The following PCDH19 variants were observed in gnomAD, a reference collection of about 807,000 sequenced individuals.
The protein encoded by PCDH19 is protocadherin 19.
In PCDH19, 6 loss-of-function variants were observed where a neutral mutation model predicts 46.2. The observed-to-expected ratio is 0.13, with a 90% confidence interval of 0.07 to 0.26. The LOEUF (loss-of-function observed/expected upper bound fraction) is 0.26, where lower values mean the gene tolerates loss of function less well. Among genes scored for constraint, PCDH19 ranks in the 10% least tolerant of loss-of-function variants. PCDH19 has a pLI of 1.00. For missense variants in PCDH19, 740 were observed against 972.3 expected (o/e 0.76, Z 3.18); for synonymous variants, 481 against 415.7 (o/e 1.16, Z -1.91).
intron 5 of PCDH19, among the ~76,000 whole-genome samples, chrX:100,305,018 A>C (rs1924897959): frequency 8.9e-6 from 1 of 112,373 alleles, no homozygotes; most frequent in African/African-American, 3.2e-5. Flanking sequence ...TAATCGAGGA[A>C]AACTTCCCCA....
At chrX:100,403,447 C>G (rs1928254374) in intron 2 of PCDH19, 77 bp downstream of exon 2, 1 of 1,032,824 alleles carries the variant, frequency 9.7e-7, no homozygotes, top group Non-Finnish European at 1.3e-6. Context: ...TTCCCTTTTA[C>G]TCACCCCCCG....
chrX:100,377,049 G>T lies in PCDH19; in HGVS notation c.2616+25475C>A, dbSNP rs191287137. Reference sequence around the variant, plus strand: ...ATACAACAGAGATAGATCCTAGTTTGCAAGTAATGTCAAGGCATGTTAGAG... The same window carrying T: ...ATACAACAGAGATAGATCCTAGTTTTCAAGTAATGTCAAGGCATGTTAGAG... On this transcript the variant is annotated intron_variant, in intron 3 of 5. Coordinates refer to ENST00000373034, the MANE Select transcript of PCDH19 (RefSeq NM_001184880.2). Among the ~76,000 whole-genome samples the T allele has an allele frequency of 2.9e-3, 324 of 112,196 alleles. 2 individuals carry two copies. Among genetic ancestry groups the T allele is most frequent in the African/African-American group, 9.9e-3 (307 of 30,881 alleles).
rs973550248 is a variant in PCDH19 at position 100,409,473 on chromosome X, T to C, written c.-876A>G. 2.6e-5 allele frequency: 3 copies of C among 116,693 alleles called. No homozygotes were observed. The highest frequency in any genetic ancestry group is 9.7e-5 in the African/African-American group (3 of 30,845). 9.6% of individuals were successfully genotyped at this position (116,693 alleles called of 1,213,427 possible). Reference sequence around the variant, plus strand: ...TTGAGGGTCTGCGGGCGTTTTCGTCTAGGAAATCAAAGTTAACAACGCAGT... The same window carrying C: ...TTGAGGGTCTGCGGGCGTTTTCGTCCAGGAAATCAAAGTTAACAACGCAGT... On this transcript the variant is annotated 5_prime_UTR_variant, in exon 1 of 6. Coordinates refer to ENST00000373034, the MANE Select transcript of PCDH19 (RefSeq NM_001184880.2).
rs1033594316 is a variant in PCDH19, at chrX:100,298,740, G to A, written c.2849-1865C>T. Among the ~76,000 whole-genome samples the A allele has an allele frequency of 1.9e-4, 21 of 111,838 alleles. 1 individual carries two copies. Among genetic ancestry groups the A allele is most frequent in the African/African-American group, 3.3e-5 (1 of 30,676 alleles). On this transcript the variant is annotated intron_variant, in intron 5 of 5. Coordinates refer to ENST00000373034, the MANE Select transcript of PCDH19 (RefSeq NM_001184880.2). ...TACCCTGTTATCATTCAACATGCAT[G>A]TACCTGGGAGGCAGAAAATATGAAA...
intron 5 of PCDH19, among the ~76,000 whole-genome samples, chrX:100,339,602 T>C (rs1264272471): frequency 8.9e-6 from 1 of 112,421 alleles, no homozygotes; most frequent in African/African-American, 3.2e-5. Context: ...GAGGTTGCAG[T>C]ATCAGTCCAA....
intron 3 of PCDH19, among the ~76,000 whole-genome samples, chrX:100,370,742 A>G (rs1478975230): frequency 8.9e-6 from 1 of 112,039 alleles, no homozygotes; most frequent in Non-Finnish European, 1.9e-5. Context: ...TTTCCTCATT[A>G]AAATACTTTG....
chrX:100,324,555 T>C (rs1275867838), intron 5 of PCDH19, among the ~76,000 whole-genome samples: 1 of 111,783 alleles, frequency 8.9e-6, no homozygotes, highest in Admixed American at 9.5e-5. Context: ...TTAACAATTA[T>C]CAACTCTCTC....
At chrX:100,368,456 A>G (rs1451968194) in intron 3 of PCDH19, among the ~76,000 whole-genome samples, 1 of 111,620 alleles carries the variant, frequency 9.0e-6, no homozygotes, top group Non-Finnish European at 1.9e-5. Context: ...GAGCAGAGAG[A>G]GCTTTCCTTT....
At chrX:100,367,847 A>G (rs1304932344) in intron 3 of PCDH19, among the ~76,000 whole-genome samples, 1 of 111,589 alleles carries the variant, frequency 9.0e-6, no homozygotes, top group Non-Finnish European at 1.9e-5. Context: ...CTCCATGGGT[A>G]ACACATGCCA....
At chrX:100,374,684 A>G in intron 3 of PCDH19, among the ~76,000 whole-genome samples, 1 of 112,196 alleles carries the variant, frequency 8.9e-6, no homozygotes, top group Non-Finnish European at 1.9e-5. Flanking sequence ...TCACGCCTGT[A>G]ATCCCAGCAA....
intron 3 of PCDH19, among the ~76,000 whole-genome samples, chrX:100,355,447 C>T: frequency 9.0e-6 from 1 of 111,411 alleles, no homozygotes; most frequent in African/African-American, 3.3e-5. Flanking sequence ...TCAAACACAG[C>T]GTTTTTAACT....
At chrX:100,333,185 G>GAGAC (rs1344044357) in intron 5 of PCDH19, among the ~76,000 whole-genome samples, 17 of 63,457 alleles carry the variant, frequency 2.7e-4, no homozygotes, top group African/African-American at 9.8e-4. Context: ...GAGAGAGAGA[G>GAGAC]AAAGAAAGAA....
At chrX:100,388,363 AT>A (rs1927774568) in intron 3 of PCDH19, among the ~76,000 whole-genome samples, 1 of 110,405 alleles carries the variant, frequency 9.1e-6, no homozygotes, top group East Asian at 2.8e-4. Context: ...TTATTTTCTG[AT>A]TTTTTCAATT....
intron 3 of PCDH19, among the ~76,000 whole-genome samples, chrX:100,352,113 A>C (rs933378018): frequency 8.9e-6 from 1 of 112,530 alleles, no homozygotes; most frequent in African/African-American, 3.2e-5. Flanking sequence ...TTTATCTAGA[A>C]GTTTATATCT....
At chrX:100,334,862 A>G (rs201757894) in intron 5 of PCDH19, among the ~76,000 whole-genome samples, 19 of 3,288 alleles carry the variant, frequency 5.8e-3, no homozygotes, top group Admixed American at 0.017. Context: ...ATATGTCTGT[A>G]TATATATATA....
In PCDH19 at chrX:100,402,824, T is replaced by C. The variant is rs943704453; in HGVS notation, c.2316A>G (p.Gln772=). ...KRIAEYSYGH[Q]KKSSKKKKIS... ...TTTTTTTCTTCTTGCTTGATTTCTT[T>C]TGATGCCCATAGGAGTACTCAGCAA... The change falls in exon 3 of 6, where the codon CAA becomes CAG. Residue 772 remains glutamine, a synonymous_variant. Coordinates refer to ENST00000373034, the MANE Select transcript of PCDH19 (RefSeq NM_001184880.2). The C allele has an allele frequency of 1.7e-6, 2 of 1,207,993 alleles. No individual in the cohort carries two copies. Among genetic ancestry groups the C allele is most frequent in the African/African-American group, 3.5e-5 (2 of 57,020 alleles).
intron 3 of PCDH19, among the ~76,000 whole-genome samples, chrX:100,355,669 C>A (rs772224686): frequency 9.0e-6 from 1 of 111,380 alleles, no homozygotes; most frequent in African/African-American, 3.3e-5. Flanking sequence ...TTTTGATTTT[C>A]GTTGTTTGTT....
intron 3 of PCDH19, among the ~76,000 whole-genome samples, chrX:100,352,461 A>T (rs2147494009): frequency 8.9e-6 from 1 of 112,785 alleles, no homozygotes; most frequent in Admixed American, 9.3e-5. Context: ...ACTACCCCAC[A>T]AAAATTATGC....
intron 3 of PCDH19, among the ~76,000 whole-genome samples, chrX:100,360,482 GCA>G (rs1295581052): frequency 8.9e-6 from 1 of 112,225 alleles, no homozygotes; most frequent in African/African-American, 3.2e-5. Flanking sequence ...TACTGCCTTG[GCA>G]AACAGAGGGG....
Sources: gnomAD v4.1 joint callset for allele counts (sites outside exome capture counted in the v4.1 genomes callset) on GRCh38, gnomAD v4.1.1 for gene constraint, MANE v1.5 for transcripts, NCBI Gene and HGNC (gene_info 2026-07-23, HGNC 2026-07-21) for gene names.